Variants in SMOC2 observed in about 807,000 individuals in gnomAD.
The protein encoded by SMOC2 is SPARC-related modular calcium-binding protein 2.
Under a neutral mutation model 61.4 loss-of-function variants are expected in SMOC2, and 39 were observed. The ratio of observed to expected loss-of-function variants is 0.64; its 90% CI spans 0.49 to 0.83. The LOEUF is 0.83. Ranked by LOEUF, SMOC2 falls within the 40% of genes least tolerant of loss-of-function variation. SMOC2 has a pLI of 0.00. For missense variants in SMOC2, 556 were observed against 592.9 expected (o/e 0.94, Z 0.65); for synonymous variants, 247 against 239.9 (o/e 1.03, Z -0.27).
chr6:168,656,952 C>T (rs969541361), intron 11 of SMOC2, among the ~76,000 whole-genome samples: 20 of 152,174 alleles, frequency 1.3e-4, no homozygotes, highest in Non-Finnish European at 7.3e-5. Flanking sequence ...CCCGGCCATC[C>T]GATGAGGTCA....
At chr6:168,451,603 C>CTG (rs1284670099) in intron 1 of SMOC2, among the ~76,000 whole-genome samples, 1 of 78,730 alleles carries the variant, frequency 1.3e-5, no homozygotes, top group Non-Finnish European at 2.1e-5. Flanking sequence ...GTCTCTGTCT[C>CTG]TCTCTCTCTC....
At chr6:168,457,401 T>C (rs1458889164) in intron 1 of SMOC2, among the ~76,000 whole-genome samples, 3 of 152,164 alleles carry the variant, frequency 2.0e-5, no homozygotes, top group African/African-American at 7.2e-5. Flanking sequence ...CTGACTGCGA[T>C]GGACTCAGCG....
chr6:168,664,776 A>T (rs373426429), intron 12 of SMOC2: 1 of 471,180 alleles, frequency 2.1e-6, no homozygotes, highest in Non-Finnish European at 4.4e-6. Flanking sequence ...GCCACAACCC[A>T]TCGCAAGTCA....
At chr6:168,617,711 C>G (rs1291564707) in intron 9 of SMOC2, among the ~76,000 whole-genome samples, 1 of 152,212 alleles carries the variant, frequency 6.6e-6, no homozygotes, top group Non-Finnish European at 1.5e-5. Flanking sequence ...CTGGAAACCC[C>G]AGATCTGGCC....
chr6:168,584,175 A>G (rs1784992843), intron 7 of SMOC2, among the ~76,000 whole-genome samples: 1 of 152,172 alleles, frequency 6.6e-6, no homozygotes, highest in African/African-American at 2.4e-5. Flanking sequence ...TGAGAGAGAG[A>G]ACCACAGATG....
At chr6:168,655,729 CAT>C (rs1252744360) in intron 11 of SMOC2, among the ~76,000 whole-genome samples, 5 of 151,900 alleles carry the variant, frequency 3.3e-5, no homozygotes, top group South Asian at 2.1e-4. Context: ...TCCCCTCACA[CAT>C]GTGTGCTAGA....
At chr6:168,546,590 T>C (rs761806895) in intron 5 of SMOC2, among the ~76,000 whole-genome samples, 2 of 152,138 alleles carry the variant, frequency 1.3e-5, no homozygotes, top group Non-Finnish European at 2.9e-5. Flanking sequence ...ACTTAGATTA[T>C]GCCATGGCAG....
At chr6:168,482,569 T>C (rs1213076456) in intron 1 of SMOC2, among the ~76,000 whole-genome samples, 1 of 152,040 alleles carries the variant, frequency 6.6e-6, no homozygotes, top group Admixed American at 6.6e-5. Flanking sequence ...CCAGTATTAT[T>C]CTGATTCCAA....
intron 4 of SMOC2, among the ~76,000 whole-genome samples, chr6:168,532,274 A>C (rs765731778): frequency 6.6e-5 from 10 of 152,216 alleles, no homozygotes; most frequent in Admixed American, 1.3e-4. Flanking sequence ...CAAGGAAGGC[A>C]CAGTAAAGGG....
chr6:168,609,652 G>T (rs1785802745), intron 9 of SMOC2, among the ~76,000 whole-genome samples: 1 of 152,108 alleles, frequency 6.6e-6, no homozygotes, highest in African/African-American at 2.4e-5. Context: ...ATATTGGTGG[G>T]CAAGATGTTT....
chr6:168,556,979 A>G (rs551559627), intron 7 of SMOC2, among the ~76,000 whole-genome samples: 2 of 152,032 alleles, frequency 1.3e-5, no homozygotes, highest in East Asian at 1.9e-4. Context: ...CCCGCAGTTC[A>G]TGGAGCCCCT....
chr6:168,659,665 G>A (rs1488892460), intron 11 of SMOC2, among the ~76,000 whole-genome samples: 4 of 121,850 alleles, frequency 3.3e-5, no homozygotes, highest in East Asian at 3.1e-4. Context: ...GAGGTTGTAG[G>A]CTGGGTGAGG....
At chr6:168,555,865 CG>C (rs1412046932) in intron 7 of SMOC2, among the ~76,000 whole-genome samples, 2 of 152,148 alleles carry the variant, frequency 1.3e-5, no homozygotes, top group Non-Finnish European at 2.9e-5. Flanking sequence ...GTCTCCTGCG[CG>C]GTCCTCCTAA....
chr6:168,660,465 G>A (rs1787479708), intron 11 of SMOC2, among the ~76,000 whole-genome samples: 1 of 152,212 alleles, frequency 6.6e-6, no homozygotes, highest in Non-Finnish European at 1.5e-5. Flanking sequence ...TGCATATATT[G>A]ATAGACTGAA....
chr6:168,491,526 A>G (rs1782471349), intron 1 of SMOC2, among the ~76,000 whole-genome samples: 1 of 152,192 alleles, frequency 6.6e-6, no homozygotes, highest in Non-Finnish European at 1.5e-5. Flanking sequence ...GGATCAATTC[A>G]GCTGTAAGAT....
chr6:168,503,263 A>T (rs1396264838), intron 1 of SMOC2, among the ~76,000 whole-genome samples: 1 of 150,146 alleles, frequency 6.7e-6, no homozygotes, highest in Non-Finnish European at 1.5e-5. Flanking sequence ...TTTTTAGTAG[A>T]GACGGGGTTT....
intron 9 of SMOC2, among the ~76,000 whole-genome samples, chr6:168,634,206 G>T (rs909184293): frequency 1.9e-4 from 29 of 152,232 alleles, no homozygotes; most frequent in African/African-American, 7.0e-4. Context: ...GATTTCTAGA[G>T]CCTGTAGTCT....
chr6:168,548,176 A>G (rs930665127), intron 6 of SMOC2, among the ~76,000 whole-genome samples: 1 of 152,120 alleles, frequency 6.6e-6, no homozygotes, highest in South Asian at 2.1e-4. Flanking sequence ...AGCGCTACAC[A>G]ATGTGTGATC....
intron 11 of SMOC2, 119 bp downstream of exon 11, chr6:168,653,347 T>G: frequency 2.5e-6 from 3 of 1,191,858 alleles, no homozygotes; most frequent in Middle Eastern, 2.6e-4. Flanking sequence ...AAAAATCAAA[T>G]ATGCTGTTTA....
Sources: allele counts gnomAD v4.1 joint callset (sites outside exome capture counted in the v4.1 genomes callset), GRCh38; gene constraint gnomAD v4.1.1; transcripts MANE v1.5; gene names NCBI Gene and HGNC (gene_info 2026-07-23, HGNC 2026-07-21).